The following TNIK variants were observed in gnomAD, a reference collection of about 807,000 sequenced individuals.
TNIK encodes TRAF2 and NCK interacting kinase.
A neutral mutation model predicts 191.3 loss-of-function variants in TNIK; 49 were observed. The observed-to-expected ratio is 0.26, with a 90% confidence interval of 0.20 to 0.32. TNIK has a LOEUF of 0.32. Ranked by LOEUF, TNIK falls within the 10% of genes least tolerant of loss-of-function variation. The probability of loss-of-function intolerance (pLI) is 1.00; values close to 1 mark genes in which losing one functional copy is unlikely to be tolerated. For synonymous variants in TNIK, 594 were observed against 600.9 expected (o/e 0.99, Z 0.17); for missense variants, 1,155 against 1,702.3 (o/e 0.68, Z 5.66).
intron 2 of TNIK, among the ~76,000 whole-genome samples, chr3:171,263,717 G>A (rs568944993): frequency 6.6e-6 from 1 of 151,994 alleles, no homozygotes; most frequent in South Asian, 2.1e-4. Flanking sequence ...TTTCTGACAA[G>A]AGCCATTATT....
intron 2 of TNIK, among the ~76,000 whole-genome samples, chr3:171,341,484 A>C: frequency 1.1e-4 from 1 of 9,140 alleles, no homozygotes; most frequent in Non-Finnish European, 2.1e-4. Context: ...AAAAAAAAAA[A>C]AAAAAAAAAA....
intron 1 of TNIK, among the ~76,000 whole-genome samples, chr3:171,433,031 G>C (rs936646752): frequency 1.6e-4 from 24 of 152,114 alleles, no homozygotes; most frequent in African/African-American, 5.8e-4. Context: ...ACAAACACTG[G>C]AAGGATGAGG....
rs1717562998 is a variant in TNIK, at chr3:171,058,641, C to T, written c.*5240G>A. On this transcript the variant is annotated 3_prime_UTR_variant, in exon 33 of 33. Transcript: ENST00000436636. ...CAGGAAGATTTTCTTCTCTCATTCTCAGGTGAGGTTATAATCCAGTTTTAG... is the reference window on the plus strand; with the variant it reads ...CAGGAAGATTTTCTTCTCTCATTCTTAGGTGAGGTTATAATCCAGTTTTAG... 6.6e-6 allele frequency among the ~76,000 whole-genome samples: 1 copy of T among 152,100 alleles called. No individual in the cohort carries two copies. Among genetic ancestry groups the T allele is most frequent in the Non-Finnish European group, 1.5e-5 (1 of 68,010 alleles).
intron 7 of TNIK, among the ~76,000 whole-genome samples, chr3:171,180,418 T>C (rs1344078727): frequency 2.0e-5 from 3 of 152,204 alleles, no homozygotes; most frequent in Non-Finnish European, 4.4e-5. Context: ...TTACCATGTT[T>C]TGTGTTGATT....
intron 3 of TNIK, among the ~76,000 whole-genome samples, chr3:171,219,032 AATTAT>A (rs978579710): frequency 1.1e-5 from 1 of 93,230 alleles, no homozygotes; most frequent in South Asian, 3.1e-4. Flanking sequence ...TTAGTGTATT[AATTAT>A]ATTAAATTAT....
intron 2 of TNIK, among the ~76,000 whole-genome samples, chr3:171,276,489 G>A (rs1253142632): frequency 1.3e-5 from 2 of 152,106 alleles, no homozygotes; most frequent in Admixed American, 1.3e-4. Context: ...AGGGAAAATG[G>A]CATTTGGAAA....
rs1056916254 is a variant in TNIK at position 171,320,273 on chromosome 3, A to G, written c.123+49347T>C. Among the ~76,000 whole-genome samples, 42 of 152,192 alleles carry G rather than the reference A, an allele frequency of 2.8e-4. 1 individual carries two copies. Among genetic ancestry groups the G allele is most frequent in the Non-Finnish European group, 1.2e-4 (8 of 68,034 alleles). ...ATTTTCTAATTTAGTACCCATGATG[A>G]TATTCTAATGTGTCTTGCCCTCTGC... On this transcript the variant is annotated intron_variant, in intron 2 of 32. Transcript: ENST00000436636.
intron 2 of TNIK, among the ~76,000 whole-genome samples, chr3:171,309,874 C>T (rs1008438093): frequency 2.0e-5 from 3 of 152,124 alleles, no homozygotes; most frequent in Admixed American, 6.6e-5. Flanking sequence ...CCAGACTTTT[C>T]CTTTCTCTGG....
chr3:171,165,950 A>C (rs1734569596), intron 10 of TNIK, among the ~76,000 whole-genome samples: 1 of 152,162 alleles, frequency 6.6e-6, no homozygotes, highest in Non-Finnish European at 1.5e-5. Flanking sequence ...AGACCATGCA[A>C]GTTTTTACCT....
chr3:171,311,746 G>A (rs1368093485), intron 2 of TNIK, among the ~76,000 whole-genome samples: 1 of 152,104 alleles, frequency 6.6e-6, no homozygotes, highest in Admixed American at 6.6e-5. Context: ...AACAAGTTAT[G>A]TGAGTGGAAG....
At chr3:171,231,281 T>C (rs1238927313) in intron 2 of TNIK, among the ~76,000 whole-genome samples, 1 of 152,036 alleles carries the variant, frequency 6.6e-6, no homozygotes, top group Non-Finnish European at 1.5e-5. Context: ...CTTTTGTTGT[T>C]GCTACTGTTT....
intron 2 of TNIK, among the ~76,000 whole-genome samples, chr3:171,365,780 C>T (rs1013353022): frequency 6.6e-6 from 1 of 152,144 alleles, no homozygotes; most frequent in African/African-American, 2.4e-5. Context: ...CTCTTAAGCA[C>T]AATAGCCACC....
chr3:171,288,699 T>G (rs1335647718), intron 2 of TNIK, among the ~76,000 whole-genome samples: 1 of 151,738 alleles, frequency 6.6e-6, no homozygotes, highest in Non-Finnish European at 1.5e-5. Flanking sequence ...TCCCAGCTAC[T>G]TGAGAGGCTG....
intron 1 of TNIK, among the ~76,000 whole-genome samples, chr3:171,447,419 A>T (rs2108714902): frequency 6.6e-6 from 1 of 152,324 alleles, no homozygotes; most frequent in African/African-American, 2.4e-5. Context: ...CATGAAAGAC[A>T]ACTTGTGCCC....
chr3:171,209,458 A>G lies in TNIK; in HGVS notation c.306+1658T>C, dbSNP rs1179683974. Among the ~76,000 whole-genome samples, 3 of 152,028 alleles carry G rather than the reference A, an allele frequency of 2.0e-5. No individual in the cohort carries two copies. The East Asian group carries it at 5.8e-4, about 29-fold the overall frequency. On this transcript the variant is annotated intron_variant, in intron 4 of 32. Transcript: ENST00000436636. Reference sequence around the variant, plus strand: ...ACTTAGTTATTTGCATTTTTACTTTATGTTTTTTGTTAAGAAGACATTTAA... The same window carrying G: ...ACTTAGTTATTTGCATTTTTACTTTGTGTTTTTTGTTAAGAAGACATTTAA...
chr3:171,090,939 G>A (rs59417721), intron 23 of TNIK, among the ~76,000 whole-genome samples: 4,166 of 152,252 alleles, frequency 0.027, 187 homozygotes, highest in African/African-American at 0.088. Flanking sequence ...TTGGAGAACT[G>A]TACTAATAGC....
At position 171,226,923 on chromosome 3, in the gene TNIK, T is replaced by A. The variant is rs541919837; in HGVS notation, c.180+1242A>T. On this transcript the variant is annotated intron_variant, in intron 3 of 32. Transcript: ENST00000436636. ...TGGGTTGAAGTTTGACATACAGACA[T>A]ACTGTGTGTCTTTCTTATTTATTTA... Among the ~76,000 whole-genome samples the A allele has an allele frequency of 4.0e-4, 61 of 152,306 alleles. No homozygotes were observed. In the South Asian group the frequency reaches 9.5e-3, roughly 24 times the overall value.
intron 1 of TNIK, among the ~76,000 whole-genome samples, chr3:171,430,667 T>C (rs1223803544): frequency 7.0e-6 from 1 of 142,072 alleles, no homozygotes. Context: ...AAAAAAGAAA[T>C]GAAATTAATA....
chr3:171,117,495 A>AATACATATATATGAGAGAT (rs1726920474), intron 18 of TNIK, among the ~76,000 whole-genome samples: 1 of 151,184 alleles, frequency 6.6e-6, no homozygotes, highest in African/African-American at 2.4e-5. Context: ...TAAATTAGTA[A>AATACATATATATGAGAGAT]ATACATATAT....
Sources: gnomAD v4.1 joint callset for allele counts (sites outside exome capture counted in the v4.1 genomes callset) on GRCh38, gnomAD v4.1.1 for gene constraint, MANE v1.5 for transcripts, NCBI Gene and HGNC (gene_info 2026-07-23, HGNC 2026-07-21) for gene names.